Variants in SLC9A8 observed in about 807,000 individuals in gnomAD.
The protein encoded by SLC9A8 is sodium/hydrogen exchanger 8.
In SLC9A8, 48 loss-of-function variants were observed where a neutral mutation model predicts 66.6. The ratio of observed to expected loss-of-function variants is 0.72; its 90% CI spans 0.57 to 0.92. The LOEUF is 0.92. Among genes scored for constraint, SLC9A8 ranks in the 40% least tolerant of loss-of-function variants. The probability of loss-of-function intolerance (pLI) is 0.00; values close to 1 mark genes in which losing one functional copy is unlikely to be tolerated. For synonymous variants in SLC9A8, 274 were observed against 282.6 expected, an observed-to-expected ratio of 0.97 and a Z score of 0.31; for missense variants, 599 against 747.3, an observed-to-expected ratio of 0.80 and a Z score of 2.31.
intron 3 of SLC9A8, among the ~76,000 whole-genome samples, chr20:49,839,121 A>T (rs2087661195): frequency 6.6e-6 from 1 of 152,210 alleles, no homozygotes; most frequent in Non-Finnish European, 1.5e-5. Flanking sequence ...TTCAACATGG[A>T]ACTGCTATTT....
At chr20:49,844,855 T>A (rs2087916278) in intron 4 of SLC9A8, among the ~76,000 whole-genome samples, 181 bp from the exon 5 acceptor site, 1 of 151,180 alleles carries the variant, frequency 6.6e-6, no homozygotes, top group Non-Finnish European at 1.5e-5. Flanking sequence ...CAGTTTCATT[T>A]TTTTTTTTGG....
At chr20:49,838,641 C>T (rs565377510) in intron 3 of SLC9A8, among the ~76,000 whole-genome samples, 1 of 152,282 alleles carries the variant, frequency 6.6e-6, no homozygotes, top group East Asian at 1.9e-4. Flanking sequence ...TCCTGCCCAC[C>T]CAGTAAGCTG....
intron 3 of SLC9A8, among the ~76,000 whole-genome samples, chr20:49,838,286 A>G (rs1162949719): frequency 6.6e-6 from 1 of 152,186 alleles, no homozygotes. Context: ...GGCCAATAAA[A>G]CATGTAAAAG....
intron 5 of SLC9A8, among the ~76,000 whole-genome samples, chr20:49,845,828 T>C (rs1015091388): frequency 2.0e-5 from 3 of 147,548 alleles, no homozygotes; most frequent in Admixed American, 1.4e-4. Flanking sequence ...GTGTGAGATG[T>C]TTTTTTTTTT....
chr20:49,820,204 A>T (rs1454787208), intron 2 of SLC9A8, among the ~76,000 whole-genome samples: 1 of 152,084 alleles, frequency 6.6e-6, no homozygotes, highest in Non-Finnish European at 1.5e-5. Flanking sequence ...TAAAAAAATG[A>T]TAGACTGGGC....
rs2089778298 is a variant in SLC9A8, at chr20:49,884,274, G to GCACAC, written c.1491+208_1491+209insCACAC. 2.5e-5 allele frequency: 3 copies of GCACAC among 120,598 alleles called. No homozygotes were observed. The Admixed American group carries it at 3.9e-4, about 16-fold the overall frequency. 7.5% of individuals were successfully genotyped at this position (120,598 alleles called of 1,614,324 possible). A position where few individuals can be genotyped will look rare whatever the true frequency, so the allele number is the denominator to read the frequency against. ...ACACACACACGACACACACACACAC[G>GCACAC]ACACACACACACACGACACACACAC... On this transcript the variant is annotated intron_variant, in intron 14 of 15. Transcript: ENST00000361573.
intron 3 of SLC9A8, among the ~76,000 whole-genome samples, chr20:49,825,318 T>C (rs1202193524): frequency 6.6e-6 from 1 of 152,160 alleles, no homozygotes; most frequent in East Asian, 1.9e-4. Context: ...TAGAACTCTT[T>C]CCATTCAAGG....
rs1414586121 is a variant in SLC9A8, at chr20:49,882,998, G to GC, written c.1271-839dup. On this transcript the variant is annotated intron_variant, in intron 13 of 15. Transcript: ENST00000361573. ...AAGGTCCTGGTGCTGTCTGCACCAT[G>GC]CCCCCCCCCACCCCCCACCCCCCTC... Among the ~76,000 whole-genome samples the GC allele has an allele frequency of 2.0e-3, 275 of 134,800 alleles. 1 individual carries two copies. The highest frequency in any genetic ancestry group is 4.0e-3 in the Middle Eastern group (1 of 252). The allele number at this position is 134,800 out of a possible 152,430, so 88.4% of individuals were successfully genotyped here. A position where few individuals can be genotyped will look rare whatever the true frequency, so the allele number is the denominator to read the frequency against.
At chr20:49,856,985 A>C (rs2088519025) in intron 8 of SLC9A8, among the ~76,000 whole-genome samples, 1 of 152,182 alleles carries the variant, frequency 6.6e-6, no homozygotes, top group Admixed American at 6.5e-5. Context: ...GGAAAAGTAA[A>C]TGCATTTCAG....
In SLC9A8 at chr20:49,867,082, A is replaced by C. The variant is rs181153781; in HGVS notation, c.958+2238A>C. Reference sequence around the variant, plus strand: ...GTTTGCTAATTCCGTCATCTCTGTCAACTGTAGGTCTGTTTTGTTGTTGAT... The same window carrying C: ...GTTTGCTAATTCCGTCATCTCTGTCCACTGTAGGTCTGTTTTGTTGTTGAT... On this transcript the variant is annotated intron_variant, in intron 10 of 15. Transcript: ENST00000361573. Among the ~76,000 whole-genome samples the C allele has an allele frequency of 5.6e-4, 86 of 152,268 alleles. 1 individual carries two copies. Among genetic ancestry groups the C allele is most frequent in the Admixed American group, 4.8e-3 (73 of 15,292 alleles).
At chr20:49,864,309 G>C (rs2088873996) in intron 9 of SLC9A8, among the ~76,000 whole-genome samples, 2 of 152,192 alleles carry the variant, frequency 1.3e-5, no homozygotes, top group African/African-American at 4.8e-5. Context: ...AAAGCAAGAT[G>C]GGTAGCATTA....
Position 49,849,565 on chromosome 20 carries a change from G to A in SLC9A8, c.433-14G>A. ...TTTTCTAATCATTTCCCTGATTTCT[G>A]CTCTTTCAAACAGGGTAACTTCTTT... On this transcript the variant is annotated splice_polypyrimidine_tract_variant and intron_variant, in intron 5 of 15. Coordinates refer to ENST00000361573, the MANE Select transcript of SLC9A8 (RefSeq NM_015266.3). The A allele has an allele frequency of 6.3e-7, 1 of 1,595,400 alleles. No individual in the cohort carries two copies. Among genetic ancestry groups the A allele is most frequent in the Non-Finnish European group, 8.6e-7 (1 of 1,163,398 alleles).
chr20:49,861,649 G>GT (rs2146667143), intron 8 of SLC9A8, among the ~76,000 whole-genome samples: 1 of 152,256 alleles, frequency 6.6e-6, no homozygotes, highest in South Asian at 2.1e-4. Context: ...ATCCCTGGGA[G>GT]TAAAGGGCAG....
intron 13 of SLC9A8, 47 bp downstream of exon 13, chr20:49,881,082 G>T: frequency 7.5e-7 from 1 of 1,338,338 alleles, no homozygotes; most frequent in African/African-American, 1.4e-5. Context: ...CCTGTTAAAA[G>T]CACGCCCCAT....
At chr20:49,858,955 C>CAA (rs1012164170) in intron 8 of SLC9A8, among the ~76,000 whole-genome samples, 5 of 107,690 alleles carry the variant, frequency 4.6e-5, no homozygotes, top group Non-Finnish European at 7.7e-5. Context: ...AAGACTGTCT[C>CAA]AAAAAAAAAA....
At chr20:49,824,442 A>G (rs1412656289) in intron 3 of SLC9A8, among the ~76,000 whole-genome samples, 1 of 152,216 alleles carries the variant, frequency 6.6e-6, no homozygotes, top group Non-Finnish European at 1.5e-5. Flanking sequence ...TAATTCTGGG[A>G]CATTCGGTAA....
chr20:49,875,431 A>G (rs1341790716), intron 11 of SLC9A8, among the ~76,000 whole-genome samples: 1 of 152,204 alleles, frequency 6.6e-6, no homozygotes, highest in Non-Finnish European at 1.5e-5. Context: ...ATAGTTATAG[A>G]ATTTTCCAAA....
At chr20:49,842,754 C>G (rs1002704308) in intron 4 of SLC9A8, among the ~76,000 whole-genome samples, 2 of 152,224 alleles carry the variant, frequency 1.3e-5, no homozygotes, top group Non-Finnish European at 2.9e-5. Flanking sequence ...AACAAATTAT[C>G]ACAAACTAAG....
intron 8 of SLC9A8, among the ~76,000 whole-genome samples, chr20:49,857,022 C>G (rs780172970): frequency 6.6e-6 from 1 of 152,144 alleles, no homozygotes; most frequent in East Asian, 1.9e-4. Context: ...TTTTCTGATG[C>G]AGGGATATTT....
Sources: allele counts gnomAD v4.1 joint callset (sites outside exome capture counted in the v4.1 genomes callset), GRCh38; gene constraint gnomAD v4.1.1; transcripts MANE v1.5; gene names NCBI Gene and HGNC (gene_info 2026-07-23, HGNC 2026-07-21).